Variants in RASAL2 observed in about 807,000 individuals in gnomAD.
RASAL2 encodes the protein RAS protein activator like 2, also known as ras GTPase-activating protein nGAP.
A neutral mutation model predicts 128.9 loss-of-function variants in RASAL2; 58 were observed. The ratio of observed to expected loss-of-function variants is 0.45; its 90% CI spans 0.36 to 0.56. The LOEUF is 0.56. RASAL2 is among the 20% of genes least tolerant of loss of function. The pLI, the probability that RASAL2 is intolerant of heterozygous loss-of-function variation, is 0.00. For missense variants in RASAL2, 1,360 were observed against 1,601.6 expected (o/e 0.85, Z 2.57); for synonymous variants, 561 against 580.8 (o/e 0.97, Z 0.49).
At chr1:178,309,710 C>T (rs922426318) in intron 3 of RASAL2, among the ~76,000 whole-genome samples, 3 of 152,030 alleles carry the variant, frequency 2.0e-5, no homozygotes, top group Non-Finnish European at 4.4e-5. Flanking sequence ...TGGTTAGGGG[C>T]ACTACTCTCA....
intron 4 of RASAL2, among the ~76,000 whole-genome samples, chr1:178,403,677 T>G (rs1439739032): frequency 6.6e-6 from 1 of 151,898 alleles, no homozygotes; most frequent in Non-Finnish European, 1.5e-5. Context: ...AAGAGTAAAC[T>G]CCAAATGGAT....
rs1359922078 is a variant in RASAL2 at position 178,473,326 on chromosome 1, A to C, written c.*87A>C. 4 of 1,487,438 alleles carry C rather than the reference A, an allele frequency of 2.7e-6. No individual in the cohort carries two copies. The highest frequency in any genetic ancestry group is 3.7e-6 in the Non-Finnish European group (4 of 1,080,786). The allele number at this position is 1,487,438 out of a possible 1,614,324, so 92.1% of individuals were successfully genotyped here. A position where few individuals can be genotyped will look rare whatever the true frequency, so the allele number is the denominator to read the frequency against. ...TACCTAGCCCCTCCAGGTTTACAGA[A>C]TGTTGCTACTTCACAATGGCGATGT... On this transcript the variant is annotated 3_prime_UTR_variant, in exon 18 of 18. Coordinates refer to ENST00000367649, the MANE Select transcript of RASAL2 (RefSeq NM_170692.4).
At chr1:178,427,709 G>A (rs1308578715) in intron 5 of RASAL2, among the ~76,000 whole-genome samples, 1 of 152,018 alleles carries the variant, frequency 6.6e-6, no homozygotes, top group African/African-American at 2.4e-5. Context: ...ATCAAAACCA[G>A]GTAATGGACA....
intron 1 of RASAL2, among the ~76,000 whole-genome samples, chr1:178,115,927 A>G (rs1053529575): frequency 6.6e-6 from 1 of 152,070 alleles, no homozygotes; most frequent in Admixed American, 6.5e-5. Context: ...AGATAGAGAG[A>G]TGTGTGAAGG....
At chr1:178,215,905 A>T (rs1663407958) in intron 1 of RASAL2, among the ~76,000 whole-genome samples, 1 of 152,210 alleles carries the variant, frequency 6.6e-6, no homozygotes, top group African/African-American at 2.4e-5. Context: ...GAGAAAAAAG[A>T]TCCAAGAAAA....
intron 1 of RASAL2, among the ~76,000 whole-genome samples, chr1:178,175,888 C>T (rs11804588): frequency 0.045 from 6,891 of 152,104 alleles, 202 homozygotes; most frequent in South Asian, 0.063. Flanking sequence ...TTGTTGTTGT[C>T]GTTGTTTTAA....
At chr1:178,210,037 CAT>C in intron 1 of RASAL2, among the ~76,000 whole-genome samples, 1 of 152,102 alleles carries the variant, frequency 6.6e-6, no homozygotes, top group East Asian at 1.9e-4. Context: ...TTCAATTTAA[CAT>C]GTTAAATTTT....
chr1:178,296,420 T>A (rs1667510368), intron 2 of RASAL2, among the ~76,000 whole-genome samples: 1 of 152,144 alleles, frequency 6.6e-6, no homozygotes, highest in African/African-American at 2.4e-5. Flanking sequence ...AGTACAGTGA[T>A]GTGTTCATAG....
chr1:178,096,143 A>G (rs1658673168), intron 1 of RASAL2, among the ~76,000 whole-genome samples: 1 of 152,232 alleles, frequency 6.6e-6, no homozygotes, highest in Admixed American at 6.5e-5. Context: ...CTGGTCATTT[A>G]GAACAAAGGT....
intron 5 of RASAL2, among the ~76,000 whole-genome samples, chr1:178,434,678 T>C (rs60530641): frequency 0.14 from 22,030 of 152,010 alleles, 3,978 homozygotes; most frequent in African/African-American, 0.43. Context: ...CCAGCTCAGC[T>C]GGTGCTGTCA....
rs182903242 is a variant in RASAL2 at position 178,334,818 on chromosome 1, T to A, written c.457+34700T>A. 6.0e-4 allele frequency among the ~76,000 whole-genome samples: 92 copies of A among 152,202 alleles called. 4 individuals carry two copies. The East Asian group carries it at 0.016, about 27-fold the overall frequency. ...ACTGAAAATACAAAAATTAGCTGGA[T>A]GTGGTGCTGTGCACCTGTAGTCCCA... On this transcript the variant is annotated intron_variant, in intron 3 of 17. Coordinates refer to ENST00000367649, the MANE Select transcript of RASAL2 (RefSeq NM_170692.4).
chr1:178,206,405 T>G (rs1484058246), intron 1 of RASAL2, among the ~76,000 whole-genome samples: 1 of 152,232 alleles, frequency 6.6e-6, no homozygotes, highest in African/African-American at 2.4e-5. Context: ...TGATAATAGG[T>G]GTGACACTTG....
chr1:178,356,716 A>G (rs1454087265), intron 3 of RASAL2, among the ~76,000 whole-genome samples: 3 of 152,196 alleles, frequency 2.0e-5, no homozygotes, highest in Non-Finnish European at 4.4e-5. Flanking sequence ...GTGGTTATCT[A>G]TAGGGTGAAA....
rs577538918 is a variant in RASAL2 at position 178,467,197 on chromosome 1, C to T, written c.3591-137C>T. On this transcript the variant is annotated intron_variant, in intron 16 of 17. Transcript: ENST00000367649. ...AAAATCAACCTTAGATGTCTTATTC[C>T]AAGGTAGTAGAGAAGAAAGAAAAGA... The T allele has an allele frequency of 5.5e-4, 368 of 670,332 alleles. 2 individuals are homozygous for T. Among genetic ancestry groups the T allele is most frequent in the South Asian group, 1.2e-3 (63 of 53,792 alleles). The allele number at this position is 670,332 out of a possible 1,614,324, so 41.5% of individuals were successfully genotyped here.
At chr1:178,159,356 C>T (rs569214025) in intron 1 of RASAL2, among the ~76,000 whole-genome samples, 2 of 152,252 alleles carry the variant, frequency 1.3e-5, no homozygotes, top group Admixed American at 6.5e-5. Context: ...TATATATTTA[C>T]TCTAACTAGG....
At chr1:178,211,722 A>G (rs1191750719) in intron 1 of RASAL2, among the ~76,000 whole-genome samples, 2 of 152,092 alleles carry the variant, frequency 1.3e-5, no homozygotes, top group Non-Finnish European at 2.9e-5. Context: ...TTTTTTTTCT[A>G]TAGTGCTTTC....
intron 4 of RASAL2, among the ~76,000 whole-genome samples, chr1:178,416,244 G>A (rs559031018): frequency 9.0e-4 from 136 of 151,946 alleles, no homozygotes; most frequent in African/African-American, 3.2e-3. Flanking sequence ...AAAAAATTTA[G>A]TGGTTTCCCT....
At chr1:178,454,196 T>TAAAAAA (rs56786408) in intron 11 of RASAL2, among the ~76,000 whole-genome samples, 1 of 80,230 alleles carries the variant, frequency 1.2e-5, no homozygotes, top group Non-Finnish European at 3.1e-5. Context: ...ATCCCAGAAC[T>TAAAAAA]AAAAAAAAAA....
At chr1:178,363,443 G>A (rs989571175) in intron 3 of RASAL2, among the ~76,000 whole-genome samples, 1 of 152,080 alleles carries the variant, frequency 6.6e-6, no homozygotes, top group Admixed American at 6.5e-5. Flanking sequence ...CTCCTAATGC[G>A]TAGGCCTCCT....
Sources: allele counts gnomAD v4.1 joint callset (sites outside exome capture counted in the v4.1 genomes callset), GRCh38; gene constraint gnomAD v4.1.1; transcripts MANE v1.5; gene names NCBI Gene and HGNC (gene_info 2026-07-23, HGNC 2026-07-21).